SEMA3D: variants seen among roughly 807,000 people sequenced by gnomAD.
The protein encoded by SEMA3D is semaphorin 3D, also known as semaphorin-3D.
Under a neutral mutation model 100.1 loss-of-function variants are expected in SEMA3D, and 84 were observed. The observed-to-expected ratio is 0.84, with a 90% confidence interval of 0.70 to 1.01. The LOEUF (loss-of-function observed/expected upper bound fraction) is 1.01. SEMA3D is among the 50% of genes least tolerant of loss of function. SEMA3D has a pLI of 0.00. For synonymous variants in SEMA3D, 312 were observed against 320.7 expected (o/e 0.97, Z 0.29); for missense variants, 875 against 934.1 (o/e 0.94, Z 0.82).
chr7:85,077,020 C>T (rs779002172), intron 5 of SEMA3D, among the ~76,000 whole-genome samples: 27 of 151,050 alleles, frequency 1.8e-4, no homozygotes, highest in South Asian at 1.3e-3. Context: ...GCAGGAGAAT[C>T]GCTTGAACCC....
intron 18 of SEMA3D, among the ~76,000 whole-genome samples, chr7:85,004,576 C>T (rs1584517396): frequency 6.6e-6 from 1 of 152,070 alleles, no homozygotes; most frequent in African/African-American, 2.4e-5. Context: ...TGTGAAACAG[C>T]TCAGTAAGGA....
intron 9 of SEMA3D, among the ~76,000 whole-genome samples, chr7:85,052,300 C>T (rs896222145): frequency 6.6e-6 from 1 of 151,754 alleles, no homozygotes; most frequent in Non-Finnish European, 1.5e-5. Context: ...TTTTATAATC[C>T]CTCATTGACT....
At chr7:85,014,485 A>C (rs1032923748) in intron 16 of SEMA3D, among the ~76,000 whole-genome samples, 1 of 151,802 alleles carries the variant, frequency 6.6e-6, no homozygotes, top group Non-Finnish European at 1.5e-5. Flanking sequence ...TTGTTGGCTC[A>C]AAATAGCATT....
At chr7:85,028,362 C>T (rs1235188800) in intron 12 of SEMA3D, 2 of 547,644 alleles carry the variant, frequency 3.7e-6, no homozygotes, top group Admixed American at 5.7e-5. Flanking sequence ...CCAATTGTCG[C>T]TGCTATTGCT....
chr7:85,040,222 C>G (rs1452258392), intron 11 of SEMA3D, among the ~76,000 whole-genome samples: 3 of 151,932 alleles, frequency 2.0e-5, no homozygotes, highest in Non-Finnish European at 4.4e-5. Context: ...TCAAGCCATC[C>G]TCCCCTTGGA....
At chr7:85,235,429 A>G in the SEMA3D span, among the ~76,000 whole-genome samples, 1 of 152,202 alleles carries the variant, frequency 6.6e-6, no homozygotes, top group African/African-American at 2.4e-5. Context: ...ATTAGTGGAC[A>G]TTACAAAAAA....
At chr7:85,029,556 G>A (rs1189593493) in intron 12 of SEMA3D, 3 of 547,298 alleles carry the variant, frequency 5.5e-6, no homozygotes, top group Non-Finnish European at 6.9e-6. Context: ...AAGAGCTGGA[G>A]AAGTCTTCAA....
At chr7:85,189,850 G>A (rs953903907), upstream of SEMA3D, among the ~76,000 whole-genome samples, 2 of 152,094 alleles carry the variant, frequency 1.3e-5, no homozygotes, top group South Asian at 2.1e-4. Context: ...TATGTGTTAG[G>A]CAATATGAAA....
chr7:85,216,061 C>T, the SEMA3D span, among the ~76,000 whole-genome samples: 1 of 152,012 alleles, frequency 6.6e-6, no homozygotes, highest in Non-Finnish European at 1.5e-5. Flanking sequence ...TAATGGCAAA[C>T]TATCACATTC....
chr7:85,057,387 T>C (rs1209296923), intron 8 of SEMA3D, among the ~76,000 whole-genome samples: 1 of 152,118 alleles, frequency 6.6e-6, no homozygotes, highest in Admixed American at 6.5e-5. Context: ...TTAGAAAATA[T>C]GTGGCACCTG....
At chr7:85,125,862 G>A (rs936007755) in intron 2 of SEMA3D, among the ~76,000 whole-genome samples, 2 of 151,692 alleles carry the variant, frequency 1.3e-5, no homozygotes, top group African/African-American at 4.8e-5. Flanking sequence ...AGAAGTAGGT[G>A]TGATTTAACC....
chr7:85,029,450 A>G, intron 12 of SEMA3D: 1 of 747,044 alleles, frequency 1.3e-6, no homozygotes. Context: ...ATTAACAATG[A>G]GCACAAACAG....
chr7:85,173,846 G>GACCC (rs1270115826), intron 1 of SEMA3D, among the ~76,000 whole-genome samples: 1 of 152,132 alleles, frequency 6.6e-6, no homozygotes, highest in Non-Finnish European at 1.5e-5. Context: ...CTGGACCCAG[G>GACCC]ATGTCTGCTT....
intron 6 of SEMA3D, among the ~76,000 whole-genome samples, chr7:85,072,054 G>C (rs1791789185): frequency 6.6e-6 from 1 of 152,154 alleles, no homozygotes; most frequent in Admixed American, 6.5e-5. Context: ...TTACTAACCT[G>C]TAAATTGGTA....
chr7:85,232,118 C>T, the SEMA3D span, among the ~76,000 whole-genome samples: 2 of 152,034 alleles, frequency 1.3e-5, no homozygotes, highest in African/African-American at 4.8e-5. Flanking sequence ...GTGTTGGCTA[C>T]GAAAAATGAG....
chr7:85,105,637 A>T (rs552460726), intron 3 of SEMA3D, among the ~76,000 whole-genome samples: 1 of 152,220 alleles, frequency 6.6e-6, no homozygotes, highest in East Asian at 1.9e-4. Context: ...CTTAGATATC[A>T]TTAAGCTATC....
At position 85,022,503 on chromosome 7, in the gene SEMA3D, A is replaced by C; in HGVS notation, c.1302T>G (p.Val434=). 1 of 1,612,378 alleles carries C rather than the reference A, an allele frequency of 6.2e-7. No individual in the cohort carries two copies. ...TTCTCTTGAACGTTGGTCCTCCTGCAACTGGGTATACGGACTTATACATCA... is the reference window on the plus strand; with the variant it reads ...TTCTCTTGAACGTTGGTCCTCCTGCCACTGGGTATACGGACTTATACATCA... ...HSVMYKSVYP[V]AGGPTFKRIN... The change falls in exon 13 of 19, where the codon GTT becomes GTG. Residue 434 remains valine (V), a synonymous_variant. Coordinates refer to ENST00000284136, the MANE Select transcript of SEMA3D (RefSeq NM_001384900.1).
chr7:85,225,105 T>TATAC, the SEMA3D span, among the ~76,000 whole-genome samples: 11 of 18,196 alleles, frequency 6.0e-4, no homozygotes, highest in Non-Finnish European at 5.5e-4. Flanking sequence ...TATATATATA[T>TATAC]ACATACATAT....
chr7:85,068,414 T>C, intron 6 of SEMA3D, 130 bp from the exon 7 acceptor site: 1 of 600,968 alleles, frequency 1.7e-6, no homozygotes, highest in Non-Finnish European at 3.0e-6. Context: ...ATGTGCATAA[T>C]GCTGAACTCC....
Sources: allele counts gnomAD v4.1 joint callset (sites outside exome capture counted in the v4.1 genomes callset), GRCh38; gene constraint gnomAD v4.1.1; transcripts MANE v1.5; gene names NCBI Gene and HGNC (gene_info 2026-07-23, HGNC 2026-07-21).